RNF213: variants seen among roughly 807,000 people sequenced by gnomAD.
The protein encoded by RNF213 is ring finger protein 213.
In RNF213, 341 loss-of-function variants were observed where a neutral mutation model predicts 514.4. That is an observed-to-expected ratio of 0.66 (90% confidence interval 0.61 to 0.73). The LOEUF (loss-of-function observed/expected upper bound fraction) is 0.73. Among genes scored for constraint, RNF213 ranks in the 30% least tolerant of loss-of-function variants. The probability of loss-of-function intolerance (pLI) is 0.00; values close to 1 mark genes in which losing one functional copy is unlikely to be tolerated. For missense variants in RNF213, 5,767 were observed against 6,615.6 expected, an observed-to-expected ratio of 0.87 and a Z score of 4.45; for synonymous variants, 2,655 against 2,658.2, an observed-to-expected ratio of 1.00 and a Z score of 0.04.
chr17:80,315,303 A>C (rs111211105), intron 15 of RNF213, among the ~76,000 whole-genome samples: 1,729 of 5,116 alleles, frequency 0.34, 753 homozygotes, highest in Middle Eastern at 0.61. Context: ...GGTGGAGGTA[A>C]TGGAGGTGAT....
intron 67 of RNF213, among the ~76,000 whole-genome samples, chr17:80,391,476 T>A (rs1010610685): frequency 4.6e-5 from 7 of 152,022 alleles, no homozygotes; most frequent in African/African-American, 1.7e-4. Context: ...TTTCTCCACG[T>A]GGCCAGGCTG....
In RNF213 at chr17:80,397,442, C is replaced by A. The variant is rs1734565894; in HGVS notation, c.*3944C>A. On this transcript the variant is annotated 3_prime_UTR_variant, in exon 68 of 68. Coordinates refer to ENST00000582970, the MANE Select transcript of RNF213 (RefSeq NM_001256071.3). ...ACAAGCAGACAGCCTGCACCACACC[C>A]TGGGCCTGGTAGTTAAAGATCGACG... The A allele has an allele frequency of 6.6e-6, 1 of 152,114 alleles. No individual in the cohort carries two copies. Among genetic ancestry groups the A allele is most frequent in the African/African-American group, 2.4e-5 (1 of 41,410 alleles). The allele number at this position is 152,114 out of a possible 1,614,324, so 9.4% of individuals were successfully genotyped here.
chr17:80,281,219 C>CAT, intron 3 of RNF213, among the ~76,000 whole-genome samples: 1 of 100,990 alleles, frequency 9.9e-6, no homozygotes, highest in Admixed American at 1.0e-4. Flanking sequence ...CACACACCCC[C>CAT]ACACACACCC....
At position 80,345,705 on chromosome 17, in the gene RNF213, C is replaced by T. The variant is rs751191411; in HGVS notation, c.7370C>T (p.Ala2457Val). The T allele has an allele frequency of 2.3e-5, 37 of 1,614,122 alleles. No individual in the cohort carries two copies. The highest frequency in any genetic ancestry group is 2.9e-5 in the Non-Finnish European group (34 of 1,180,056). Residue 2457 changes from alanine (A) to valine (V), a missense_variant, in exon 29 of 68, where the codon GCA becomes GTA. Physicochemically the swap from Ala to Val is moderately conservative, Grantham distance 64. Transcript: ENST00000582970. The surrounding 1 kb of genome is among the most constrained non-coding windows in gnomAD (Gnocchi z 6.0). ...GTCAAGGTGCACGGAGGAACAACTG[C>T]AGACATGATCTACTCCAGAGTCAGG... ...KLVKVHGGTT[A>V]DMIYSRVREA...
At chr17:80,273,109 C>T in intron 2 of RNF213, 132 bp from the exon 3 acceptor site, 1 of 1,210,724 alleles carries the variant, frequency 8.3e-7, no homozygotes, top group Admixed American at 1.7e-5. Flanking sequence ...CTCATGTTAG[C>T]AGGCCCAATG....
intron 2 of RNF213, among the ~76,000 whole-genome samples, chr17:80,266,126 T>C (rs1444906825): frequency 6.6e-6 from 1 of 152,024 alleles, no homozygotes; most frequent in African/African-American, 2.4e-5. Context: ...CTTTGTTTGG[T>C]TGGCTGAAAC....
Position 80,339,691 on chromosome 17 carries a change from T to G in RNF213, c.5324T>G (p.Val1775Gly), listed in dbSNP as rs767846460. The G allele has an allele frequency of 1.3e-6, 2 of 1,537,184 alleles. No individual in the cohort carries two copies. Among genetic ancestry groups the G allele is most frequent in the South Asian group, 2.4e-5 (2 of 84,048 alleles). Residue 1775 changes from valine (V) to glycine (G), a missense_variant, in exon 26 of 68, where the codon GTG (valine) becomes GGG (glycine). Val to Gly is a moderately radical substitution (Grantham distance 109). Around this residue, in one of 13 missense-constraint regions of RNF213, gnomAD observed 1,377 missense variants for 1,635.2 expected, o/e 0.84. Coordinates refer to ENST00000582970, the MANE Select transcript of RNF213 (RefSeq NM_001256071.3). ...PLMLLSEFSL[V>G]DKLRIIMEQS... ...ATGCTCTTATCAGAGTTCAGCCTGG[T>G]GGACAAGCTGAGGATCATCATGGAG...
chr17:80,377,834 C>A lies in RNF213; in HGVS notation c.13545+38C>A. On this transcript the variant is annotated intron_variant, in intron 54 of 67. Coordinates refer to ENST00000582970, the MANE Select transcript of RNF213 (RefSeq NM_001256071.3). This position sits in a 1 kb window ranked among gnomAD's most constrained non-coding sequence, Gnocchi z 4.1. The stretch of plus-strand genomic sequence containing the variant: ...ATTTAAGATAGGGTTTGAGGGGTGG[C>A]GTGCACTCCTGGGTTGGAGGAGGGG... 1 of 1,611,012 alleles carries A rather than the reference C, an allele frequency of 6.2e-7. No individual in the cohort carries two copies. The highest frequency in any genetic ancestry group is 1.7e-4 in the Middle Eastern group (1 of 6,028).
chr17:80,264,961 C>A lies in RNF213; in HGVS notation c.97+1183C>A, dbSNP rs746294783. On this transcript the variant is annotated intron_variant, in intron 2 of 67. Transcript: ENST00000582970. This position sits in a 1 kb window ranked among gnomAD's most constrained non-coding sequence, Gnocchi z 5.0. ...GCCTGGCTCCCTCCTTCCCCTCTTTCAGTCTTTGCCCAGCTGCTCGCCATG... is the reference window on the plus strand; with the variant it reads ...GCCTGGCTCCCTCCTTCCCCTCTTTAAGTCTTTGCCCAGCTGCTCGCCATG... Among the ~76,000 whole-genome samples the A allele has an allele frequency of 3.9e-5, 6 of 151,998 alleles. No individual in the cohort carries two copies. Among genetic ancestry groups the A allele is most frequent in the Non-Finnish European group, 8.8e-5 (6 of 68,018 alleles).
rs754970367 is a variant in RNF213, at chr17:80,295,687, T to C, written c.1886T>C (p.Val629Ala). Residue 629 changes from valine (V) to alanine (A), a missense_variant, in exon 10 of 68, where the codon GTA (valine) becomes GCA (alanine). Around this residue, in one of 13 missense-constraint regions of RNF213, gnomAD observed 592 missense variants for 673.9 expected, o/e 0.88. Coordinates refer to ENST00000582970, the MANE Select transcript of RNF213 (RefSeq NM_001256071.3). Reference protein sequence around the residue: ...KLKTGLIVLFVVEKIELLLEG... With the variant: ...KLKTGLIVLFAVEKIELLLEG... ...AAAACAGGCCTGATTGTCCTTTTTG[T>C]AGTGGAAAAAATTGAGCTTTTATTA... 6.2e-7 allele frequency: 1 copy of C among 1,614,018 alleles called. No individual in the cohort carries two copies.
chr17:80,282,000 G>T (rs753144201), intron 3 of RNF213, among the ~76,000 whole-genome samples: 16 of 152,136 alleles, frequency 1.1e-4, no homozygotes, highest in Admixed American at 2.6e-4. Context: ...GGGACTATAG[G>T]CGCCTGCCAC....
At position 80,373,233 on chromosome 17, in the gene RNF213, A is replaced by AC; in HGVS notation, c.12942+74dup. The AC allele has an allele frequency of 8.2e-6, 10 of 1,222,590 alleles. No homozygotes were observed. The East Asian group carries it at 9.1e-5, about 11-fold the overall frequency. 75.7% of individuals were successfully genotyped at this position (1,222,590 alleles called of 1,614,324 possible). A position where few individuals can be genotyped will look rare whatever the true frequency, so the allele number is the denominator to read the frequency against. ...AGCCCCATACACCCCAAACCCACAC[A>AC]CCCCCCTACCCTCACACCCTACCCC... On this transcript the variant is annotated intron_variant, in intron 49 of 67. Transcript: ENST00000582970.
intron 67 of RNF213, among the ~76,000 whole-genome samples, chr17:80,391,254 A>G (rs76300944): frequency 0.016 from 2,411 of 152,108 alleles, 66 homozygotes; most frequent in African/African-American, 0.055. Context: ...ACCCATTTGT[A>G]TATCATCCTC....
Position 80,354,147 on chromosome 17 carries a change from T to C in RNF213, c.10707T>C (p.Asn3569=), listed in dbSNP as rs2078640507. 1.2e-6 allele frequency: 2 copies of C among 1,613,888 alleles called. No individual in the cohort carries two copies. The highest frequency in any genetic ancestry group is 3.3e-5 in the Admixed American group (2 of 60,002). Residue 3569 remains asparagine (N), a synonymous_variant, in exon 35 of 68, where the codon AAT becomes AAC. Transcript: ENST00000582970. ...TGGTGCTCCTCCTGGGCCTCTTGAA[T>C]GAGGATGACGCGTGCCACGGTATGA... The part of the protein sequence containing the change: ...RRVVLLLGLL[N]EDDACHASFL...
In RNF213 at chr17:80,363,593, C is replaced by A; in HGVS notation, c.11569-16C>A. On this transcript the variant is annotated splice_polypyrimidine_tract_variant and intron_variant, in intron 40 of 67. Transcript: ENST00000582970. ...AGGGGCACCGCTCAGCCACGCCCTG[C>A]TGTCCGTCTCCCCAGACCCTGGACG... 1 of 1,612,802 alleles carries A rather than the reference C, an allele frequency of 6.2e-7. No individual in the cohort carries two copies. The highest frequency in any genetic ancestry group is 8.5e-7 in the Non-Finnish European group (1 of 1,179,976).
At chr17:80,261,198 C>A (rs2043404607) in intron 1 of RNF213, among the ~76,000 whole-genome samples, 1 of 152,150 alleles carries the variant, frequency 6.6e-6, no homozygotes, top group South Asian at 2.1e-4. Context: ...AGGCTTTGCG[C>A]CCCGGCAGTG....
intron 14 of RNF213, among the ~76,000 whole-genome samples, chr17:80,309,573 C>T (rs1215899122): frequency 1.1e-4 from 16 of 152,124 alleles, no homozygotes; most frequent in Admixed American, 1.0e-3. Context: ...AATACATGTC[C>T]AAACATGGTC....
At chr17:80,281,196 C>A (rs1163313773) in intron 3 of RNF213, among the ~76,000 whole-genome samples, 4 of 126,940 alleles carry the variant, frequency 3.2e-5, no homozygotes, top group African/African-American at 1.2e-4. Context: ...ACATACCCCA[C>A]TCACACCACT....
rs971535231 is a variant in RNF213 at position 80,377,679 on chromosome 17, G to A, written c.13511-83G>A. 5.4e-6 allele frequency: 8 copies of A among 1,480,230 alleles called. No homozygotes were observed. The East Asian group carries it at 1.6e-4, about 29-fold the overall frequency. The allele number at this position is 1,480,230 out of a possible 1,614,324, so 91.7% of individuals were successfully genotyped here. On this transcript the variant is annotated intron_variant, in intron 53 of 67. Coordinates refer to ENST00000582970, the MANE Select transcript of RNF213 (RefSeq NM_001256071.3). The surrounding 1 kb of genome is among the most constrained non-coding windows in gnomAD (Gnocchi z 4.1). ...TTCTCATATTGTGGTCAGGGCCAGA[G>A]AGTAGAGAGTTAGCTTTCCCTTTTC...
Sources: allele counts gnomAD v4.1 joint callset (sites outside exome capture counted in the v4.1 genomes callset), GRCh38; gene constraint gnomAD v4.1.1; regional missense constraint gnomAD v4.1.1; non-coding constraint Gnocchi (gnomAD v3.1); transcripts MANE v1.5; gene names NCBI Gene and HGNC (gene_info 2026-07-23, HGNC 2026-07-21).